Variants in AIMP2 observed in about 807,000 individuals in gnomAD.
The protein encoded by AIMP2 is aminoacyl tRNA synthase complex-interacting multifunctional protein 2.
AIMP2 carries 20 observed loss-of-function variants against 23.4 expected under a neutral mutation model. The observed-to-expected ratio is 0.85, with a 90% CI of 0.60 to 1.24. The LOEUF is 1.24. Among genes scored for constraint, AIMP2 ranks in the 50% most tolerant of loss-of-function variants. The probability of loss-of-function intolerance (pLI) is 0.00; values close to 1 mark genes in which losing one functional copy is unlikely to be tolerated. For missense variants in AIMP2, 515 were observed against 414.5 expected (o/e 1.24, Z -2.10); for synonymous variants, 210 against 170.4 (o/e 1.23, Z -1.81).
Position 6,023,440 on chromosome 7 carries a change from G to GAT in AIMP2, c.715_716dup (p.Ala240LeufsTer6). 6.2e-7 allele frequency: 1 copy of GAT among 1,614,200 alleles called. No homozygotes were observed. The highest frequency in any genetic ancestry group is 8.5e-7 in the Non-Finnish European group (1 of 1,180,018). On this transcript the variant is annotated frameshift_variant, in exon 4 of 4. Transcript: ENST00000223029. LOFTEE classifies it high-confidence loss of function. ...CGCAACCCTTATAGATAGCTGGGTAGATATTGCGATTTTTCAGTTAAAAGA... is the reference window on the plus strand; with the variant it reads ...CGCAACCCTTATAGATAGCTGGGTAGATATATTGCGATTTTTCAGTTAAAAGA...
intron 1 of AIMP2, among the ~76,000 whole-genome samples, chr7:6,011,178 G>T (rs894111834): frequency 6.6e-6 from 1 of 152,156 alleles, no homozygotes; most frequent in Non-Finnish European, 1.5e-5. Context: ...CAGGCATGGG[G>T]TATGTACTAA....
intron 1 of AIMP2, among the ~76,000 whole-genome samples, chr7:6,013,304 T>G (rs991210249): frequency 7.3e-6 from 1 of 137,624 alleles, no homozygotes; most frequent in African/African-American, 2.7e-5. Flanking sequence ...CTCTGCCGCC[T>G]AGGCTGGAGT....
chr7:6,019,990 C>G (rs1442981278), intron 3 of AIMP2, among the ~76,000 whole-genome samples: 2 of 146,728 alleles, frequency 1.4e-5, no homozygotes, highest in African/African-American at 5.1e-5. Context: ...CCACTGCATT[C>G]CAGCCTGGCG....
intron 1 of AIMP2, 120 bp downstream of exon 1, chr7:6,009,618 C>A: frequency 1.1e-6 from 1 of 910,580 alleles, no homozygotes; most frequent in Non-Finnish European, 1.5e-6. Context: ...GGCATCTGTG[C>A]CGGCCGGCCA....
In AIMP2 at chr7:6,009,428, C is replaced by G. The variant is rs563884789; in HGVS notation, c.65C>G (p.Thr22Ser). The stretch of plus-strand genomic sequence containing the variant: ...GCGCCTCTCCGTGTGGAGCTTCCCA[C>G]CTGCATGTACCGGCTCCCCAACGTG... ...GGAPLRVELPTCMYRLPNVHG... is the reference protein window; with the variant it reads ...GGAPLRVELPSCMYRLPNVHG... The change falls in exon 1 of 4, where the codon ACC becomes AGC. Residue 22 changes from threonine to serine, a missense_variant. Thr to Ser is a moderately conservative substitution (Grantham distance 58). Coordinates refer to ENST00000223029, the MANE Select transcript of AIMP2 (RefSeq NM_006303.4). The G allele has an allele frequency of 6.2e-7, 1 of 1,611,308 alleles. No homozygotes were observed. The highest frequency in any genetic ancestry group is 8.5e-7 in the Non-Finnish European group (1 of 1,179,900).
intron 1 of AIMP2, among the ~76,000 whole-genome samples, chr7:6,011,978 C>G (rs761910657): frequency 6.6e-6 from 1 of 152,178 alleles, no homozygotes; most frequent in African/African-American, 2.4e-5. Flanking sequence ...CTTGGCCAGG[C>G]GCAGTGGCCC....
intron 1 of AIMP2, among the ~76,000 whole-genome samples, chr7:6,010,503 G>T (rs528229738): frequency 2.3e-4 from 35 of 151,468 alleles, no homozygotes; most frequent in African/African-American, 7.5e-4. Context: ...AGGCTGGAGT[G>T]CAGTGGTGTG....
intron 2 of AIMP2, 145 bp from the exon 3 acceptor site, chr7:6,017,669 C>A: frequency 2.9e-6 from 2 of 681,330 alleles, no homozygotes; most frequent in Non-Finnish European, 5.0e-6. Flanking sequence ...AAGTTACTGG[C>A]TGCAACGTGG....
chr7:6,023,215 T>C, intron 3 of AIMP2, 88 bp from the exon 4 acceptor site: 1 of 1,412,164 alleles, frequency 7.1e-7, no homozygotes, highest in Non-Finnish European at 9.5e-7. Context: ...CAGTCTGTGG[T>C]GTTTGGTGAC....
intron 2 of AIMP2, among the ~76,000 whole-genome samples, chr7:6,016,647 G>C (rs1485890786): frequency 6.6e-6 from 1 of 152,174 alleles, no homozygotes; most frequent in African/African-American, 2.4e-5. Flanking sequence ...CTCAGAGCAT[G>C]TGGTGCTCAA....
At position 6,023,472 on chromosome 7, in the gene AIMP2, C is replaced by T. The variant is rs759399018; in HGVS notation, c.744C>T (p.Ser248=). ...CGATTTTTCAGTTAAAAGAGGGAAG[C>T]AGTAAAGAAAAAGCCGCTGTTTTCC... ...DIAIFQLKEG[S]SKEKAAVFRS... Residue 248 remains serine (S), a synonymous_variant, in exon 4 of 4, where the codon AGC becomes AGT. Coordinates refer to ENST00000223029, the MANE Select transcript of AIMP2 (RefSeq NM_006303.4). 1.1e-5 allele frequency: 18 copies of T among 1,614,072 alleles called. No individual in the cohort carries two copies. The highest frequency in any genetic ancestry group is 6.7e-5 in the Admixed American group (4 of 60,004).
chr7:6,009,702 G>C (rs568226577), intron 1 of AIMP2, among the ~76,000 whole-genome samples: 156 of 152,004 alleles, frequency 1.0e-3, no homozygotes, highest in African/African-American at 3.6e-3. Context: ...TGTAATCCCA[G>C]CACTTTGGGA....
chr7:6,012,868 A>G (rs1786779815), intron 1 of AIMP2: 3 of 992,808 alleles, frequency 3.0e-6, no homozygotes, highest in Non-Finnish European at 3.6e-6. Flanking sequence ...CAATAATTTA[A>G]TTGGCATACT....
chr7:6,017,884 T>C lies in AIMP2; in HGVS notation c.413T>C (p.Leu138Pro), dbSNP rs765096358. The change falls in exon 3 of 4, where the codon CTG becomes CCG. Residue 138 changes from leucine (L) to proline (P), a missense_variant. Transcript: ENST00000223029. The part of the protein sequence containing the change: ...PASPPLSLLV[L>P]HRLLCEHFRV... ...TCCCCTCCCCTCTCCCTGCTTGTGC[T>C]GCACAGGCTGCTCTGTGAGCACTTC... is the stretch of plus-strand genomic sequence containing the variant. 4.3e-6 allele frequency: 7 copies of C among 1,614,152 alleles called. No homozygotes were observed. Among genetic ancestry groups the C allele is most frequent in the Non-Finnish European group, 5.9e-6 (7 of 1,180,024 alleles).
At chr7:6,013,852 AAGGC>A (rs1287666719) in intron 1 of AIMP2, among the ~76,000 whole-genome samples, 2 of 151,988 alleles carry the variant, frequency 1.3e-5, no homozygotes, top group African/African-American at 4.8e-5. Flanking sequence ...TCAGGAGACT[AAGGC>A]AGGAGGATCA....
chr7:6,023,613 G>A lies in AIMP2; in HGVS notation c.885G>A (p.Val295=). 3 of 1,614,218 alleles carry A rather than the reference G, an allele frequency of 1.9e-6. No individual in the cohort carries two copies. Among genetic ancestry groups the A allele is most frequent in the Non-Finnish European group, 2.5e-6 (3 of 1,180,036 alleles). ...LQQIGGCSVT[V]PANVQRWMRS... is the part of the protein sequence containing the mutation. ...AGATCGGAGGCTGCAGTGTGACAGT[G>A]CCAGCCAATGTGCAGAGGTGGATGA... Residue 295 remains valine (V), a synonymous_variant, in exon 4 of 4, where the codon GTG becomes GTA. Coordinates refer to ENST00000223029, the MANE Select transcript of AIMP2 (RefSeq NM_006303.4).
intron 1 of AIMP2, among the ~76,000 whole-genome samples, chr7:6,013,354 C>A (rs182479018): frequency 6.7e-6 from 1 of 148,896 alleles, no homozygotes; most frequent in African/African-American, 2.5e-5. Context: ...CTCCGCCTCC[C>A]GGGTTCAAGC....
At position 6,009,485 on chromosome 7, in the gene AIMP2, C is replaced by A; in HGVS notation, c.122C>A (p.Ala41Asp). 6.4e-7 allele frequency: 1 copy of A among 1,573,396 alleles called. No homozygotes were observed. The highest frequency in any genetic ancestry group is 8.6e-7 in the Non-Finnish European group (1 of 1,164,526). The change falls in exon 1 of 4, where the codon GCT becomes GAT. Residue 41 changes from alanine (A) to aspartate (D), a missense_variant. Physicochemically the swap from Ala to Asp is moderately radical, Grantham distance 126. Coordinates refer to ENST00000223029, the MANE Select transcript of AIMP2 (RefSeq NM_006303.4). Reference sequence around the variant, plus strand: ...AGGAGCTACGGCCCAGCGCCGGGCGCTGGCCACGTGCAGGTAGGAGCGCGG... The same window carrying A: ...AGGAGCTACGGCCCAGCGCCGGGCGATGGCCACGTGCAGGTAGGAGCGCGG... ...HGRSYGPAPG[A>D]GHVQEESNLS...
intron 3 of AIMP2, among the ~76,000 whole-genome samples, chr7:6,019,138 T>C (rs1488887464): frequency 6.6e-6 from 1 of 151,668 alleles, no homozygotes; most frequent in Non-Finnish European, 1.5e-5. Context: ...GAGTGTCTGC[T>C]TCAATCTGCT....
Sources: allele counts gnomAD v4.1 joint callset (sites outside exome capture counted in the v4.1 genomes callset), GRCh38; gene constraint gnomAD v4.1.1; transcripts MANE v1.5; gene names NCBI Gene and HGNC (gene_info 2026-07-23, HGNC 2026-07-21).